WWOX: variants seen among roughly 807,000 people sequenced by gnomAD.
WWOX encodes the protein WW domain-containing oxidoreductase.
In WWOX, 69 loss-of-function variants were observed where a neutral mutation model predicts 46.2. That is an observed-to-expected ratio of 1.49 (90% CI 1.23 to 1.82). The LOEUF is 1.82. Among genes scored for constraint, WWOX ranks in the 40% most tolerant of loss-of-function variants. The pLI, the probability that WWOX is intolerant of heterozygous loss-of-function variation, is 0.00. For synonymous variants in WWOX, 359 were observed against 202.6 expected (o/e 1.77, Z -6.56); for missense variants, 919 against 542.6 (o/e 1.69, Z -6.89).
In WWOX at chr16:78,905,251, T is replaced by G. The variant is rs143846477; in HGVS notation, c.1057-306357T>G. The stretch of plus-strand genomic sequence containing the variant: ...AAGAGGAGGAGGCGGAGAAGAAAAT[T>G]GCGTGCTAATTTCAGTTGTATATTG... On this transcript the variant is annotated intron_variant, in intron 8 of 8. Coordinates refer to ENST00000566780, the MANE Select transcript of WWOX (RefSeq NM_016373.4). 2.6e-5 allele frequency among the ~76,000 whole-genome samples: 4 copies of G among 152,344 alleles called. No individual in the cohort carries two copies. The East Asian group carries it at 7.7e-4, about 29-fold the overall frequency.
intron 6 of WWOX, among the ~76,000 whole-genome samples, chr16:78,404,719 T>C (rs2082486981): frequency 6.6e-6 from 1 of 152,182 alleles, no homozygotes; most frequent in South Asian, 2.1e-4. Flanking sequence ...GTGAGGCTAG[T>C]AGGTCATGAG....
At chr16:78,902,139 C>T (rs947841216) in intron 8 of WWOX, among the ~76,000 whole-genome samples, 2 of 152,172 alleles carry the variant, frequency 1.3e-5, no homozygotes, top group Admixed American at 6.5e-5. Flanking sequence ...CTGCAGGAAG[C>T]AAGGGAAACA....
At chr16:78,796,962 A>T (rs1047043678) in intron 8 of WWOX, among the ~76,000 whole-genome samples, 10 of 151,566 alleles carry the variant, frequency 6.6e-5, no homozygotes, top group Non-Finnish European at 1.5e-4. Context: ...AGTAGCTGGG[A>T]TTATAGGCAT....
Position 78,824,423 on chromosome 16 carries a change from T to C in WWOX, c.1057-387185T>C, listed in dbSNP as rs576565437. 2.0e-5 allele frequency among the ~76,000 whole-genome samples: 3 copies of C among 152,304 alleles called. No individual in the cohort carries two copies. In the South Asian group the frequency reaches 6.2e-4, roughly 32 times the overall value. ...TTCATTCATTCCTCTAATCAATATGTATTGCTCACTTGGTACATGTCAGAT... is the reference window on the plus strand; with the variant it reads ...TTCATTCATTCCTCTAATCAATATGCATTGCTCACTTGGTACATGTCAGAT... On this transcript the variant is annotated intron_variant, in intron 8 of 8. Coordinates refer to ENST00000566780, the MANE Select transcript of WWOX (RefSeq NM_016373.4).
At chr16:79,018,507 G>C (rs191689445) in intron 8 of WWOX, among the ~76,000 whole-genome samples, 1 of 152,150 alleles carries the variant, frequency 6.6e-6, no homozygotes, top group Non-Finnish European at 1.5e-5. Context: ...AAGAGGAGAA[G>C]GGATTTGACA....
intron 5 of WWOX, among the ~76,000 whole-genome samples, chr16:78,335,917 C>G (rs1046862143): frequency 6.6e-6 from 1 of 152,092 alleles, no homozygotes; most frequent in African/African-American, 2.4e-5. Context: ...CATGGTGAAA[C>G]TCCATCTCTA....
intron 8 of WWOX, chr16:79,004,377 G>C (rs1181124927): frequency 2.6e-5 from 4 of 152,204 alleles, no homozygotes; most frequent in Admixed American, 2.6e-4. Flanking sequence ...GGAGGACTTG[G>C]ATATTTCTCA....
intron 8 of WWOX, among the ~76,000 whole-genome samples, chr16:78,841,416 T>A (rs1366618221): frequency 6.6e-6 from 1 of 152,226 alleles, no homozygotes; most frequent in Non-Finnish European, 1.5e-5. Context: ...TCTTCCAAAA[T>A]CTGGATTCAG....
chr16:78,377,763 A>C (rs1460998748), intron 5 of WWOX, among the ~76,000 whole-genome samples: 2 of 152,240 alleles, frequency 1.3e-5, no homozygotes, highest in Admixed American at 1.3e-4. Flanking sequence ...ATTACTGTCT[A>C]AGCATTTTTA....
At chr16:78,173,595 G>C (rs568355420) in intron 5 of WWOX, among the ~76,000 whole-genome samples, 1 of 152,146 alleles carries the variant, frequency 6.6e-6, no homozygotes, top group East Asian at 1.9e-4. Flanking sequence ...ATCGTGCCTG[G>C]CCTTAGTCAT....
At chr16:78,731,823 A>T (rs1413785338) in intron 8 of WWOX, among the ~76,000 whole-genome samples, 1 of 150,518 alleles carries the variant, frequency 6.6e-6, no homozygotes, top group Non-Finnish European at 1.5e-5. Flanking sequence ...AGCACTCCCC[A>T]ATGCCAATTT....
chr16:78,713,680 A>C (rs2048497159), intron 8 of WWOX, among the ~76,000 whole-genome samples: 1 of 152,218 alleles, frequency 6.6e-6, no homozygotes, highest in African/African-American at 2.4e-5. Flanking sequence ...GCTGTCTGCA[A>C]GCCAAGGCAA....
At chr16:78,314,721 T>TTTTTTTTTTTTC (rs2080326947) in intron 5 of WWOX, among the ~76,000 whole-genome samples, 2 of 128,362 alleles carry the variant, frequency 1.6e-5, no homozygotes, top group African/African-American at 6.0e-5. Context: ...TTTTTTTTTT[T>TTTTTTTTTTTTC]CTGTATTTTC....
intron 8 of WWOX, among the ~76,000 whole-genome samples, chr16:78,681,707 G>A (rs9929802): frequency 0.11 from 16,071 of 152,238 alleles, 1,032 homozygotes; most frequent in East Asian, 0.18. Context: ...CCAGCTCTTC[G>A]TTAATTACCT....
At chr16:78,874,255 C>CAG (rs2151206239) in intron 8 of WWOX, among the ~76,000 whole-genome samples, 1 of 91,552 alleles carries the variant, frequency 1.1e-5, no homozygotes, top group African/African-American at 4.1e-5. Context: ...GACTCTGTCT[C>CAG]AAAAAAAAAA....
chr16:79,037,006 C>T (rs572417398), intron 8 of WWOX, among the ~76,000 whole-genome samples: 1 of 152,270 alleles, frequency 6.6e-6, no homozygotes, highest in South Asian at 2.1e-4. Flanking sequence ...TCTCATGGCT[C>T]ACGTATTAAC....
intron 8 of WWOX, among the ~76,000 whole-genome samples, chr16:78,950,563 C>CAG (rs1256362679): frequency 6.6e-6 from 1 of 150,588 alleles, no homozygotes; most frequent in Non-Finnish European, 1.5e-5. Context: ...CACACACACA[C>CAG]ACGTTTCTGG....
chr16:78,865,004 C>G (rs138599692), intron 8 of WWOX, among the ~76,000 whole-genome samples: 2 of 151,940 alleles, frequency 1.3e-5, no homozygotes, highest in African/African-American at 2.4e-5. Flanking sequence ...CTCAAGTGAT[C>G]CACCCATCTT....
intron 8 of WWOX, among the ~76,000 whole-genome samples, chr16:78,623,232 C>A (rs2046231688): frequency 6.6e-6 from 1 of 152,184 alleles, no homozygotes; most frequent in Middle Eastern, 3.4e-3. Context: ...AGCTGTTAAG[C>A]TTTTGGTAAT....
Sources: gnomAD v4.1 joint callset for allele counts (sites outside exome capture counted in the v4.1 genomes callset) on GRCh38, gnomAD v4.1.1 for gene constraint, MANE v1.5 for transcripts, NCBI Gene and HGNC (gene_info 2026-07-23, HGNC 2026-07-21) for gene names.